CCDC178: variants seen among roughly 807,000 people sequenced by gnomAD.
CCDC178 encodes the protein coiled-coil domain-containing protein 178.
Under a neutral mutation model 117.4 loss-of-function variants are expected in CCDC178, and 126 were observed. The ratio of observed to expected loss-of-function variants is 1.07; its 90% CI spans 0.93 to 1.24. The LOEUF (loss-of-function observed/expected upper bound fraction) is 1.24. CCDC178 is among the 50% of genes most tolerant of loss of function. CCDC178 has a pLI of 0.00. For synonymous variants in CCDC178, 283 were observed against 313.4 expected, an observed-to-expected ratio of 0.90 and a Z score of 1.02; for missense variants, 1,030 against 986.9, an observed-to-expected ratio of 1.04 and a Z score of -0.59.
At chr18:33,353,377 G>A (rs965212547) in intron 7 of CCDC178, among the ~76,000 whole-genome samples, 1 of 151,936 alleles carries the variant, frequency 6.6e-6, no homozygotes, top group Non-Finnish European at 1.5e-5. Flanking sequence ...CTTTCAATTG[G>A]AGAGTTTAAT....
intron 11 of CCDC178, chr18:33,323,052 T>C (rs1568146251): frequency 1.3e-5 from 2 of 151,580 alleles, no homozygotes; most frequent in African/African-American, 2.4e-5. Flanking sequence ...AAATAATCTA[T>C]ATATTTAAAT....
chr18:33,390,328 C>G (rs1251397139), intron 4 of CCDC178, among the ~76,000 whole-genome samples: 3 of 151,856 alleles, frequency 2.0e-5, no homozygotes, highest in African/African-American at 4.8e-5. Flanking sequence ...CAACTCCAGT[C>G]CTAAGCTTTT....
intron 2 of CCDC178, among the ~76,000 whole-genome samples, chr18:33,438,595 T>C (rs545521744): frequency 6.6e-6 from 1 of 151,550 alleles, no homozygotes; most frequent in Admixed American, 6.6e-5. Flanking sequence ...AAAACAGACA[T>C]GAAGTTACCA....
chr18:33,425,174 CAAAT>C (rs1401175778), intron 2 of CCDC178, among the ~76,000 whole-genome samples: 1 of 152,074 alleles, frequency 6.6e-6, no homozygotes, highest in Non-Finnish European at 1.5e-5. Flanking sequence ...TTAAACATAA[CAAAT>C]AAGACCACAG....
chr18:33,174,207 T>C (rs2058637454), intron 20 of CCDC178, among the ~76,000 whole-genome samples: 1 of 151,936 alleles, frequency 6.6e-6, no homozygotes, highest in East Asian at 1.9e-4. Flanking sequence ...AACGACCAGA[T>C]CTTGTAACAA....
intron 20 of CCDC178, among the ~76,000 whole-genome samples, chr18:33,142,788 A>G (rs1350386418): frequency 6.6e-6 from 1 of 152,160 alleles, no homozygotes; most frequent in Non-Finnish European, 1.5e-5. Context: ...TAAAACAGAG[A>G]AAGAAGAATA....
chr18:33,111,420 A>G (rs2057781049), intron 20 of CCDC178, among the ~76,000 whole-genome samples: 1 of 151,678 alleles, frequency 6.6e-6, no homozygotes, highest in Admixed American at 6.6e-5. Flanking sequence ...AATTGGTTTT[A>G]AATATCGCTA....
intron 20 of CCDC178, among the ~76,000 whole-genome samples, chr18:33,210,889 A>T (rs564900411): frequency 2.9e-3 from 441 of 152,172 alleles, no homozygotes; most frequent in Middle Eastern, 6.8e-3. Flanking sequence ...TTATTAACAA[A>T]GTATTATTCT....
At chr18:33,117,695 C>A (rs563664779) in intron 20 of CCDC178, among the ~76,000 whole-genome samples, 172 of 151,206 alleles carry the variant, frequency 1.1e-3, no homozygotes, top group Middle Eastern at 6.9e-3. Flanking sequence ...ACGTTGTGCA[C>A]ATATACCCTA....
At chr18:33,327,112 A>G (rs1054089756) in intron 10 of CCDC178, among the ~76,000 whole-genome samples, 3 of 152,130 alleles carry the variant, frequency 2.0e-5, no homozygotes, top group African/African-American at 7.2e-5. Context: ...ACAAAACTCG[A>G]TATTACATTT....
intron 21 of CCDC178, among the ~76,000 whole-genome samples, chr18:33,056,092 G>A (rs930948178): frequency 6.6e-6 from 1 of 152,180 alleles, no homozygotes; most frequent in Non-Finnish European, 1.5e-5. Flanking sequence ...GTGAGCCACT[G>A]CACCTGGCCT....
At chr18:33,419,262 G>A (rs146877779) in intron 2 of CCDC178, among the ~76,000 whole-genome samples, 9 of 151,586 alleles carry the variant, frequency 5.9e-5, no homozygotes, top group South Asian at 2.1e-4. Flanking sequence ...ACTGGACCCC[G>A]TCCCTACACC....
intron 12 of CCDC178, among the ~76,000 whole-genome samples, chr18:33,283,894 C>G (rs1189986290): frequency 6.6e-6 from 1 of 150,934 alleles, no homozygotes; most frequent in African/African-American, 2.5e-5. Flanking sequence ...ATCTGGCAGT[C>G]CCATTACTGG....
At chr18:33,214,358 T>C (rs542067362) in intron 19 of CCDC178, among the ~76,000 whole-genome samples, 8 of 152,168 alleles carry the variant, frequency 5.3e-5, no homozygotes, top group African/African-American at 1.7e-4. Flanking sequence ...GCTAATTCTT[T>C]TTCTCCTTTT....
intron 22 of CCDC178, among the ~76,000 whole-genome samples, chr18:32,958,379 C>T (rs1034504363): frequency 6.6e-6 from 1 of 152,096 alleles, no homozygotes; most frequent in East Asian, 1.9e-4. Flanking sequence ...AATTAAATGT[C>T]TAAATTTTAA....
chr18:33,333,309 T>C lies in CCDC178; in HGVS notation c.744A>G (p.Gln248=), dbSNP rs200836499. The C allele has an allele frequency of 6.2e-7, 1 of 1,612,972 alleles. No individual in the cohort carries two copies. Among genetic ancestry groups the C allele is most frequent in the African/African-American group, 1.3e-5 (1 of 75,008 alleles). Residue 248 remains glutamine (Q), a synonymous_variant, in exon 10 of 23, where the codon CAA becomes CAG. Transcript: ENST00000383096. Reference sequence around the variant, plus strand: ...CATTTGCTTCTTCTAACTCTGTCTTTTGTTTTTCAAAATGTTGTAGTTGAT... The same window carrying C: ...CATTTGCTTCTTCTAACTCTGTCTTCTGTTTTTCAAAATGTTGTAGTTGAT... ...KANQLQHFEK[Q]KTELEEANAK...
chr18:32,969,789 A>C (rs1050642828), intron 22 of CCDC178, among the ~76,000 whole-genome samples: 15 of 152,040 alleles, frequency 9.9e-5, no homozygotes, highest in Non-Finnish European at 1.9e-4. Context: ...CTGCTTACTC[A>C]GTCTAAGACC....
rs1014962669 is a variant in CCDC178, at chr18:33,040,364, GCAGA to G, written c.2388+52393_2388+52396del. 4.7e-4 allele frequency among the ~76,000 whole-genome samples: 72 copies of G among 151,996 alleles called. 1 individual carries two copies. The highest frequency in any genetic ancestry group is 1.7e-3 in the African/African-American group (69 of 41,508). ...TAAAAGAAAGTGATAGCTGAAGAAG[GCAGA>G]CAAAGAAGATAAAACAAATGTATAA... On this transcript the variant is annotated intron_variant, in intron 21 of 22. Transcript: ENST00000383096.
At chr18:32,946,659 A>T (rs904122044) in intron 22 of CCDC178, among the ~76,000 whole-genome samples, 1 of 150,260 alleles carries the variant, frequency 6.7e-6, no homozygotes, top group Non-Finnish European at 1.5e-5. Flanking sequence ...TGCTGAATTG[A>T]ATTATAATAA....
Sources: gnomAD v4.1 joint callset for allele counts (sites outside exome capture counted in the v4.1 genomes callset) on GRCh38, gnomAD v4.1.1 for gene constraint, MANE v1.5 for transcripts, NCBI Gene and HGNC (gene_info 2026-07-23, HGNC 2026-07-21) for gene names.